Variants in CGAS observed in about 807,000 individuals in gnomAD.
The protein encoded by CGAS is cyclic GMP-AMP synthase.
In CGAS, 31 loss-of-function variants were observed where a neutral mutation model predicts 34.0. The observed-to-expected ratio is 0.91, with a 90% CI of 0.69 to 1.23. CGAS has a LOEUF of 1.23. CGAS is among the 50% of genes most tolerant of loss of function. The probability of loss-of-function intolerance (pLI) is 0.00; values close to 1 mark genes in which losing one functional copy is unlikely to be tolerated. For synonymous variants in CGAS, 266 were observed against 260.0 expected, an observed-to-expected ratio of 1.02 and a Z score of -0.22; for missense variants, 597 against 657.6, an observed-to-expected ratio of 0.91 and a Z score of 1.01.
chr6:73,446,291 CTG>C (rs1770467912), intron 1 of CGAS, among the ~76,000 whole-genome samples: 2 of 147,206 alleles, frequency 1.4e-5, no homozygotes, highest in Non-Finnish European at 3.0e-5. Flanking sequence ...AATAGTGTCA[CTG>C]TACTCCAGCC....
chr6:73,451,138 A>C (rs112886954), intron 1 of CGAS, among the ~76,000 whole-genome samples: 22 of 152,240 alleles, frequency 1.4e-4, no homozygotes, highest in African/African-American at 5.1e-4. Flanking sequence ...CATAGGAAAA[A>C]GTCTACGTGG....
In CGAS at chr6:73,435,602, G is replaced by A. The variant is rs141330892; in HGVS notation, c.1114+4607C>T. On this transcript the variant is annotated intron_variant, in intron 3 of 4. Transcript: ENST00000370315. The stretch of plus-strand genomic sequence containing the variant: ...AAAGTGTTATATCTGAGAGCAGGGC[G>A]TCTATAAAATTAAAAAATAAACCAA... Among the ~76,000 whole-genome samples the A allele has an allele frequency of 3.3e-3, 504 of 151,924 alleles. 4 individuals carry two copies. The highest frequency in any genetic ancestry group is 0.011 in the African/African-American group (467 of 41,444).
rs1770057236 is a variant in CGAS, at chr6:73,424,785, C to T, written c.*442G>A. 1 of 152,022 alleles carries T rather than the reference C, an allele frequency of 6.6e-6. No individual in the cohort carries two copies. The highest frequency in any genetic ancestry group is 2.4e-5 in the African/African-American group (1 of 41,410). 9.4% of individuals were successfully genotyped at this position (152,022 alleles called of 1,614,324 possible). The stretch of plus-strand genomic sequence containing the variant: ...TTTCAAACATTCCAATTATTACAGT[C>T]ACTAATTTTTGTTATTTTGTTGCTT... On this transcript the variant is annotated 3_prime_UTR_variant, in exon 5 of 5. Transcript: ENST00000370315.
chr6:73,445,928 T>A (rs1241039153), intron 1 of CGAS, among the ~76,000 whole-genome samples, 181 bp from the exon 2 acceptor site: 1 of 152,150 alleles, frequency 6.6e-6, no homozygotes, highest in African/African-American at 2.4e-5. Context: ...TATTACCAGT[T>A]TCATTTTGTA....
chr6:73,451,207 C>G (rs150977449), intron 1 of CGAS, among the ~76,000 whole-genome samples: 4 of 152,028 alleles, frequency 2.6e-5, no homozygotes, highest in African/African-American at 9.7e-5. Context: ...GACCTCAGGT[C>G]CACACCATCA....
At chr6:73,447,947 C>A (rs562008877) in intron 1 of CGAS, among the ~76,000 whole-genome samples, 1 of 152,184 alleles carries the variant, frequency 6.6e-6, no homozygotes, top group Non-Finnish European at 1.5e-5. Flanking sequence ...TTTTTCCCAT[C>A]TTATGCCTTT....
chr6:73,432,556 C>G (rs1770210532), intron 3 of CGAS, among the ~76,000 whole-genome samples: 1 of 152,196 alleles, frequency 6.6e-6, no homozygotes, highest in Non-Finnish European at 1.5e-5. Context: ...CTCCTAGACT[C>G]AAGTGATTCT....
At chr6:73,429,907 C>T (rs979719791) in intron 3 of CGAS, among the ~76,000 whole-genome samples, 3 of 151,866 alleles carry the variant, frequency 2.0e-5, no homozygotes, top group African/African-American at 7.3e-5. Context: ...TGGTTTTATA[C>T]TAGCAAAGTA....
intron 3 of CGAS, among the ~76,000 whole-genome samples, chr6:73,431,675 TA>T (rs1318489134): frequency 1.3e-5 from 2 of 152,170 alleles, no homozygotes; most frequent in Admixed American, 1.3e-4. Flanking sequence ...AGTTATGAGT[TA>T]AAAGAGATTT....
chr6:73,428,133 A>G (rs1440547250), intron 4 of CGAS, among the ~76,000 whole-genome samples: 2 of 150,090 alleles, frequency 1.3e-5, no homozygotes, highest in African/African-American at 2.4e-5. Context: ...CTGAGGTAGG[A>G]TGATTGCTTG....
chr6:73,449,945 T>C (rs1337110948), intron 1 of CGAS, among the ~76,000 whole-genome samples: 1 of 150,776 alleles, frequency 6.6e-6, no homozygotes, highest in Admixed American at 6.6e-5. Flanking sequence ...CAGCGAAACC[T>C]AGATGGCACC....
At chr6:73,441,632 G>A (rs577679664) in intron 2 of CGAS, among the ~76,000 whole-genome samples, 1 of 152,264 alleles carries the variant, frequency 6.6e-6, no homozygotes, top group East Asian at 1.9e-4. Flanking sequence ...ATGAGCTCTA[G>A]ATACCTGTGG....
intron 3 of CGAS, among the ~76,000 whole-genome samples, chr6:73,437,808 C>A (rs1246450605): frequency 6.6e-6 from 1 of 152,060 alleles, no homozygotes; most frequent in Non-Finnish European, 1.5e-5. Flanking sequence ...GGCACAGTGG[C>A]TCATGCCTGT....
In CGAS at chr6:73,452,058, C is replaced by A. The variant is rs901219481; in HGVS notation, c.124G>T (p.Glu42Ter). Residue 42 changes from glutamate to a stop codon, truncating the protein, a stop_gained, in exon 1 of 5, where the codon GAG becomes TAG. Transcript: ENST00000370315. LOFTEE classifies it high-confidence loss of function. ...TTTCCCGCCTTAGGCAGGGCGGCCT[C>A]GGGGGCAGCCGGAGACTCGGTGGGA... The part of the protein sequence containing the change: ...MDPTESPAAP[E>*]AALPKAGKFG... The A allele has an allele frequency of 6.6e-7, 1 of 1,526,688 alleles. No homozygotes were observed. Among genetic ancestry groups the A allele is most frequent in the Non-Finnish European group, 8.8e-7 (1 of 1,135,718 alleles). The allele number at this position is 1,526,688 out of a possible 1,614,324, so 94.6% of individuals were successfully genotyped here.
chr6:73,436,719 C>T (rs1009214070), intron 3 of CGAS, among the ~76,000 whole-genome samples: 3 of 150,226 alleles, frequency 2.0e-5, no homozygotes, highest in Non-Finnish European at 3.0e-5. Context: ...GACAGGCTTT[C>T]ACCATGTTGC....
intron 2 of CGAS, among the ~76,000 whole-genome samples, chr6:73,441,801 GCAAACCTGGCCACCTGTTACC>G (rs1770386173): frequency 6.6e-6 from 1 of 152,132 alleles, no homozygotes. Context: ...AGAAAAATCT[GCAAACCTGGCCACCTGTTACC>G]CAAACCTGGC....
intron 3 of CGAS, 24 bp from the exon 4 acceptor site, chr6:73,428,835 A>G: frequency 6.3e-7 from 1 of 1,586,024 alleles, no homozygotes; most frequent in Non-Finnish European, 8.6e-7. Flanking sequence ...AGAAAAACAA[A>G]AAAGCACTTT....
rs1249303957 is a variant in CGAS, at chr6:73,440,510, A to G, written c.878-65T>C. On this transcript the variant is annotated intron_variant, in intron 2 of 4. Coordinates refer to ENST00000370315, the MANE Select transcript of CGAS (RefSeq NM_138441.3). ...CCAATTTTCTCTGGAAATACAGGGG[A>G]AATAATGTAACTATAATTGAAGATC... is the stretch of plus-strand genomic sequence containing the variant. The G allele has an allele frequency of 4.6e-6, 6 of 1,297,460 alleles. No homozygotes were observed. The Admixed American group carries it at 1.3e-4, about 28-fold the overall frequency. The allele number at this position is 1,297,460 out of a possible 1,614,324, so 80.4% of individuals were successfully genotyped here. A position where few individuals can be genotyped will look rare whatever the true frequency, so the allele number is the denominator to read the frequency against.
chr6:73,433,985 T>C (rs1005291169), intron 3 of CGAS, among the ~76,000 whole-genome samples: 1 of 152,194 alleles, frequency 6.6e-6, no homozygotes, highest in African/African-American at 2.4e-5. Flanking sequence ...TTTCAAAATT[T>C]ATATGAGAAT....
Sources: allele counts gnomAD v4.1 joint callset (sites outside exome capture counted in the v4.1 genomes callset), GRCh38; gene constraint gnomAD v4.1.1; transcripts MANE v1.5; gene names NCBI Gene and HGNC (gene_info 2026-07-23, HGNC 2026-07-21).